NELL2: variants seen among roughly 807,000 people sequenced by gnomAD.
NELL2 encodes the protein protein kinase C-binding protein NELL2.
Under a neutral mutation model 109.6 loss-of-function variants are expected in NELL2, and 41 were observed. The observed-to-expected ratio is 0.37, with a 90% CI of 0.29 to 0.49. The LOEUF (loss-of-function observed/expected upper bound fraction) is 0.49. NELL2 is among the 20% of genes least tolerant of loss of function. NELL2 has a pLI of 0.98. For missense variants in NELL2, 900 were observed against 1,008.3 expected, an observed-to-expected ratio of 0.89 and a Z score of 1.45; for synonymous variants, 355 against 344.7, an observed-to-expected ratio of 1.03 and a Z score of -0.33.
intron 15 of NELL2, among the ~76,000 whole-genome samples, chr12:44,591,927 T>C (rs1356507070): frequency 6.6e-6 from 1 of 152,122 alleles, no homozygotes; most frequent in Non-Finnish European, 1.5e-5. Flanking sequence ...AATTAAAGAT[T>C]AATAACAATA....
intron 3 of NELL2, among the ~76,000 whole-genome samples, chr12:44,813,815 T>C (rs925235696): frequency 1.8e-4 from 28 of 152,318 alleles, no homozygotes; most frequent in Admixed American, 4.6e-4. Flanking sequence ...TTATTTTCAA[T>C]TGAAATAAAT....
intron 2 of NELL2, among the ~76,000 whole-genome samples, chr12:44,831,709 T>C (rs1943892749): frequency 6.6e-6 from 1 of 152,180 alleles, no homozygotes; most frequent in Non-Finnish European, 1.5e-5. Context: ...AAAAAGGAAC[T>C]GATTGTCCCC....
chr12:44,639,455 T>G (rs1434843239), intron 13 of NELL2, among the ~76,000 whole-genome samples: 1 of 152,198 alleles, frequency 6.6e-6, no homozygotes, highest in African/African-American at 2.4e-5. Context: ...TACTTGTTAT[T>G]TCCTAACAAG....
chr12:44,815,999 G>A lies in NELL2; in HGVS notation c.322C>T (p.His108Tyr), dbSNP rs759764400. ...LNSGVILSIHHLDHRYLELES... is the reference protein window; with the variant it reads ...LNSGVILSIHYLDHRYLELES... Reference sequence around the variant, plus strand: ...AACCACATTTACCTGTGATCCAAGTGGTGAATTGAGAGAATAACTCCTGAA... The same window carrying A: ...AACCACATTTACCTGTGATCCAAGTAGTGAATTGAGAGAATAACTCCTGAA... Residue 108 changes from histidine to tyrosine, a missense_variant, in exon 3 of 20, where the codon CAC becomes TAC. Coordinates refer to ENST00000429094, the MANE Select transcript of NELL2 (RefSeq NM_001145108.2). 6 of 1,611,482 alleles carry A rather than the reference G, an allele frequency of 3.7e-6. No homozygotes were observed. The highest frequency in any genetic ancestry group is 5.1e-6 in the Non-Finnish European group (6 of 1,179,296).
chr12:44,817,327 G>A (rs1020006552), intron 2 of NELL2, among the ~76,000 whole-genome samples: 10 of 152,102 alleles, frequency 6.6e-5, no homozygotes, highest in Admixed American at 3.3e-4. Flanking sequence ...CTAGGCCCAC[G>A]ATTTTACATA....
chr12:44,869,102 C>T (rs371589472), intron 2 of NELL2, among the ~76,000 whole-genome samples: 4 of 152,084 alleles, frequency 2.6e-5, no homozygotes, highest in Admixed American at 6.5e-5. Flanking sequence ...ATGAGAAAGG[C>T]GCTGCATATA....
intron 9 of NELL2, among the ~76,000 whole-genome samples, chr12:44,742,626 G>A (rs569485543): frequency 3.3e-5 from 5 of 152,332 alleles, no homozygotes; most frequent in African/African-American, 1.2e-4. Flanking sequence ...ACCTGATGGA[G>A]CTGAAAACCA....
chr12:44,791,111 A>ACG (rs1420561344), intron 3 of NELL2, among the ~76,000 whole-genome samples: 1 of 52,496 alleles, frequency 1.9e-5, no homozygotes, highest in Admixed American at 2.7e-4. Context: ...ATATATATGT[A>ACG]TATATATATG....
chr12:44,696,584 A>C (rs190565208), intron 12 of NELL2, among the ~76,000 whole-genome samples: 77 of 152,354 alleles, frequency 5.1e-4, no homozygotes, highest in African/African-American at 1.7e-3. Flanking sequence ...CACTATTCAG[A>C]ATAATTTTTA....
At chr12:44,876,717 G>A (rs1945338610), upstream of NELL2, 1 of 1,547,356 alleles carries the variant, frequency 6.5e-7, no homozygotes, top group South Asian at 1.2e-5. Context: ...GCAAAGGAGG[G>A]AAGCCCATGT....
At chr12:44,546,829 C>T (rs540834018) in intron 15 of NELL2, among the ~76,000 whole-genome samples, 5 of 152,134 alleles carry the variant, frequency 3.3e-5, no homozygotes, top group African/African-American at 7.2e-5. Flanking sequence ...TAATTGTGTA[C>T]TTGAGTAATG....
At chr12:44,789,670 T>G (rs1460717454) in intron 3 of NELL2, among the ~76,000 whole-genome samples, 2 of 151,974 alleles carry the variant, frequency 1.3e-5, no homozygotes, top group Admixed American at 1.3e-4. Flanking sequence ...GTTATTAAGC[T>G]AATCAGGGAG....
chr12:44,741,456 G>A (rs1293083905), intron 9 of NELL2, among the ~76,000 whole-genome samples: 1 of 152,176 alleles, frequency 6.6e-6, no homozygotes, highest in Admixed American at 6.5e-5. Context: ...GACAGTGGGT[G>A]CAGGACAGTG....
At chr12:44,513,069 T>A (rs1941073006) in intron 19 of NELL2, among the ~76,000 whole-genome samples, 1 of 152,008 alleles carries the variant, frequency 6.6e-6, no homozygotes, top group Admixed American at 6.6e-5. Context: ...TGTACCCCCA[T>A]AAATATGTGC....
At chr12:44,682,983 A>G (rs1457346124) in intron 12 of NELL2, among the ~76,000 whole-genome samples, 5 of 152,240 alleles carry the variant, frequency 3.3e-5, no homozygotes, top group East Asian at 1.9e-4. Context: ...GATGGGGATG[A>G]CATTGAATCT....
chr12:44,737,487 T>C (rs1251117044), intron 9 of NELL2, among the ~76,000 whole-genome samples: 1 of 152,140 alleles, frequency 6.6e-6, no homozygotes, highest in Non-Finnish European at 1.5e-5. Context: ...AACAAATCTC[T>C]AAGAATATTA....
intron 1 of NELL2, 109 bp from the exon 2 acceptor site, chr12:44,875,462 C>T: frequency 6.2e-7 from 1 of 1,614,026 alleles, no homozygotes; most frequent in Non-Finnish European, 8.5e-7. Context: ...ATATTGGGAA[C>T]TGAAGATGAG....
chr12:44,897,756 C>T lies in NELL2; in HGVS notation c.38+16043G>A, dbSNP rs531094442. 1.1e-4 allele frequency among the ~76,000 whole-genome samples: 17 copies of T among 152,044 alleles called. 1 individual carries two copies. In the South Asian group the frequency reaches 3.1e-3, roughly 28 times the overall value. On this transcript the variant is annotated intron_variant, in intron 1 of 20. Transcript: ENST00000333837. Reference sequence around the variant, plus strand: ...ATACCCCAGTGGTGCCTGGAATGCCCCCGAGACAGAACTGTTTACTCCCCT... The same window carrying T: ...ATACCCCAGTGGTGCCTGGAATGCCTCCGAGACAGAACTGTTTACTCCCCT...
intron 13 of NELL2, 139 bp from the exon 14 acceptor site, chr12:44,611,109 A>C (rs1945607278): frequency 2.6e-6 from 2 of 782,370 alleles, no homozygotes; most frequent in African/African-American, 3.5e-5. Context: ...AGAAGAGCTC[A>C]GATTTTGAAG....
Sources: gnomAD v4.1 joint callset for allele counts (sites outside exome capture counted in the v4.1 genomes callset) on GRCh38, gnomAD v4.1.1 for gene constraint, MANE v1.5 for transcripts, NCBI Gene and HGNC (gene_info 2026-07-23, HGNC 2026-07-21) for gene names.